Variants in GLB1L2 observed in about 807,000 individuals in gnomAD.
GLB1L2 encodes galactosidase beta 1 like 2.
GLB1L2 carries 68 observed loss-of-function variants against 84.1 expected under a neutral mutation model. That is an observed-to-expected ratio of 0.81 (90% CI 0.67 to 0.99). GLB1L2 has a LOEUF of 0.99. Ranked by LOEUF, GLB1L2 falls within the 50% of genes least tolerant of loss-of-function variation. The pLI is 0.00. For synonymous variants in GLB1L2, 290 were observed against 318.0 expected (o/e 0.91, Z 0.94); for missense variants, 762 against 805.6 (o/e 0.95, Z 0.66).
Position 134,347,369 on chromosome 11 carries a change from AG to A in GLB1L2, c.497del (p.Gly166AlafsTer13). The part of the protein sequence containing the change: ...DPGMRLRTTY[K>X]GFTEAVDLYF... ...GGCATGAGGCTGAGGACAACTTACAAGGGCTTCACCGAAGCAGTGGACCTTT... is the reference window on the plus strand; with the variant it reads ...GGCATGAGGCTGAGGACAACTTACAAGGCTTCACCGAAGCAGTGGACCTTT... On this transcript the variant is annotated frameshift_variant, in exon 5 of 19. Coordinates refer to ENST00000535456, the MANE Select transcript of GLB1L2 (RefSeq NM_001370461.1). LOFTEE classifies it high-confidence loss of function. 1 of 1,614,180 alleles carries A rather than the reference AG, an allele frequency of 6.2e-7. No homozygotes were observed. Among genetic ancestry groups the A allele is most frequent in the Non-Finnish European group, 8.5e-7 (1 of 1,180,012 alleles).
Position 134,375,039 on chromosome 11 carries a change from G to A in GLB1L2, c.1892G>A (p.Arg631Lys), listed in dbSNP as rs778267896. ...TTCACGGAAACCCCCCACCTGGGCAGGAACCAGTACATTAAGTGAGCGGTG... is the reference window on the plus strand; with the variant it reads ...TTCACGGAAACCCCCCACCTGGGCAAGAACCAGTACATTAAGTGAGCGGTG... ...LQFTETPHLG[R>K]NQYIK is the part of the protein sequence containing the mutation. Residue 631 changes from arginine to lysine, a missense_variant, in exon 19 of 19, where the codon AGG becomes AAG. This residue lies in a region of GLB1L2 where 603 missense variants were observed against 611.7 expected (regional missense o/e 0.99). Transcript: ENST00000535456. 1.2e-6 allele frequency: 2 copies of A among 1,613,788 alleles called. No individual in the cohort carries two copies. The highest frequency in any genetic ancestry group is 1.7e-6 in the Non-Finnish European group (2 of 1,179,942).
At chr11:134,349,233 G>A (rs375469250) in intron 5 of GLB1L2, among the ~76,000 whole-genome samples, 2 of 152,124 alleles carry the variant, frequency 1.3e-5, no homozygotes, top group South Asian at 2.1e-4. Context: ...ACTTAACAGC[G>A]CCCTCAAGGT....
intron 16 of GLB1L2, 62 bp from the exon 17 acceptor site, chr11:134,374,083 T>C: frequency 7.8e-7 from 1 of 1,286,140 alleles, no homozygotes; most frequent in Non-Finnish European, 1.1e-6. Flanking sequence ...TTTATTTTGC[T>C]TTATTGTGCT....
At chr11:134,361,353 T>C (rs1002922376) in intron 7 of GLB1L2, 2 of 152,200 alleles carry the variant, frequency 1.3e-5, no homozygotes, top group African/African-American at 4.8e-5. Flanking sequence ...TATTGACTTC[T>C]TGTTCCAGTA....
Position 134,370,415 on chromosome 11 carries a change from A to G in GLB1L2, c.1215+16A>G, listed in dbSNP as rs1240256062. 4 of 1,592,438 alleles carry G rather than the reference A, an allele frequency of 2.5e-6. No individual in the cohort carries two copies. Among genetic ancestry groups the G allele is most frequent in the Non-Finnish European group, 3.4e-6 (4 of 1,162,290 alleles). On this transcript the variant is annotated intron_variant, in intron 12 of 18. Coordinates refer to ENST00000535456, the MANE Select transcript of GLB1L2 (RefSeq NM_001370461.1). The surrounding 1 kb of genome is among the most constrained non-coding windows in gnomAD (Gnocchi z 4.7). ...CCTGGGGGAGGTGAGTGCTGTGGGC[A>G]GTCATCGGGAGGTGAGTGAGTGCCG...
In GLB1L2 at chr11:134,334,200, T is replaced by C. The variant is rs1943347064; in HGVS notation, c.86+2053T>C. Among the ~76,000 whole-genome samples the C allele has an allele frequency of 6.6e-6, 1 of 152,126 alleles. No homozygotes were observed. The highest frequency in any genetic ancestry group is 1.5e-5 in the Non-Finnish European group (1 of 68,020). On this transcript the variant is annotated intron_variant, in intron 1 of 18. Coordinates refer to ENST00000535456, the MANE Select transcript of GLB1L2 (RefSeq NM_001370461.1). The surrounding 1 kb of genome is among the most constrained non-coding windows in gnomAD (Gnocchi z 4.1). ...CAGTGTTGAGGTGGCCAGTGGAATA[T>C]AGGTCACGTGGAAACTGGCCACCAA... is the stretch of plus-strand genomic sequence containing the variant.
intron 5 of GLB1L2, among the ~76,000 whole-genome samples, chr11:134,352,967 C>G (rs1943653597): frequency 6.6e-6 from 1 of 152,064 alleles, no homozygotes; most frequent in Non-Finnish European, 1.5e-5. Context: ...TTTCTAATGT[C>G]TCTTGTGATT....
chr11:134,367,134 C>A (rs959160283), intron 8 of GLB1L2, 123 bp from the exon 9 acceptor site: 25 of 858,008 alleles, frequency 2.9e-5, no homozygotes, highest in Non-Finnish European at 4.4e-5. Context: ...ACCTCTAAGG[C>A]AGTGGGTATG....
chr11:134,367,179 G>A, intron 8 of GLB1L2, 78 bp from the exon 9 acceptor site: 1 of 1,182,524 alleles, frequency 8.5e-7, no homozygotes, highest in South Asian at 1.3e-5. Flanking sequence ...AGAGATCCTG[G>A]GGCTCCCCTC....
Position 134,339,285 on chromosome 11 carries a change from T to G in GLB1L2, c.87-3469T>G, listed in dbSNP as rs570956983. Among the ~76,000 whole-genome samples, 12 of 152,316 alleles carry G rather than the reference T, an allele frequency of 7.9e-5. No homozygotes were observed. The highest frequency in any genetic ancestry group is 2.6e-4 in the African/African-American group (11 of 41,570). The stretch of plus-strand genomic sequence containing the variant: ...ATTATTACTGAGTTACTCAGGAAAT[T>G]ATGGGGTTATTCTCCGTCTTATGAT... On this transcript the variant is annotated intron_variant, in intron 1 of 18. Transcript: ENST00000535456. This position sits in a 1 kb window ranked among gnomAD's most constrained non-coding sequence, Gnocchi z 5.7.
At position 134,338,259 on chromosome 11, in the gene GLB1L2, G is replaced by T. The variant is rs1232817993; in HGVS notation, c.87-4495G>T. Among the ~76,000 whole-genome samples the T allele has an allele frequency of 6.6e-6, 1 of 152,138 alleles. No individual in the cohort carries two copies. The highest frequency in any genetic ancestry group is 1.5e-5 in the Non-Finnish European group (1 of 68,028). On this transcript the variant is annotated intron_variant, in intron 1 of 18. Transcript: ENST00000535456. The surrounding 1 kb of genome is among the most constrained non-coding windows in gnomAD (Gnocchi z 6.2). ...GGCCTCCCAGCCGTACCATGACCCCGGTTCCTGATGAGTGTTTGCAGGATT... is the reference window on the plus strand; with the variant it reads ...GGCCTCCCAGCCGTACCATGACCCCTGTTCCTGATGAGTGTTTGCAGGATT...
At chr11:134,360,461 A>G (rs1448285786) in intron 7 of GLB1L2, 2 of 152,198 alleles carry the variant, frequency 1.3e-5, no homozygotes, top group African/African-American at 4.8e-5. Context: ...GGCTGCTTCC[A>G]AGGCCTGCTC....
rs78260611 is a variant in GLB1L2, at chr11:134,368,624, C to T, written c.890-20C>T. 0.15 allele frequency: 239,748 copies of T among 1,612,478 alleles called. 18,865 individuals carry two copies. The highest frequency in any genetic ancestry group is 0.16 in the Non-Finnish European group (191,568 of 1,179,324). On this transcript the variant is annotated intron_variant, in intron 9 of 18. Coordinates refer to ENST00000535456, the MANE Select transcript of GLB1L2 (RefSeq NM_001370461.1). ...GACTTTAACTCACTCTGCACATCCC[C>T]TTTCTCCCTCCTCCGGCAGAGGTTT...
intron 7 of GLB1L2, chr11:134,360,554 G>C (rs1209228206): frequency 6.6e-6 from 1 of 152,188 alleles, no homozygotes. Context: ...CCGGTTTCAG[G>C]CCTTGCAAGG....
chr11:134,341,334 T>G (rs1943458273), intron 1 of GLB1L2, among the ~76,000 whole-genome samples: 1 of 152,080 alleles, frequency 6.6e-6, no homozygotes, highest in Non-Finnish European at 1.5e-5. Flanking sequence ...AGACTCGTTT[T>G]ATAGAGGAAG....
intron 15 of GLB1L2, among the ~76,000 whole-genome samples, chr11:134,372,941 C>T (rs958930309): frequency 2.0e-5 from 3 of 152,224 alleles, no homozygotes; most frequent in African/African-American, 4.8e-5. Flanking sequence ...ACCAGCCTGA[C>T]CATTGTTCCT....
intron 5 of GLB1L2, among the ~76,000 whole-genome samples, chr11:134,351,686 C>T (rs1282954871): frequency 6.6e-6 from 1 of 152,194 alleles, no homozygotes; most frequent in Non-Finnish European, 1.5e-5. Context: ...CCTCGCATTA[C>T]AGGAATGAAT....
intron 9 of GLB1L2, among the ~76,000 whole-genome samples, chr11:134,367,921 C>T (rs1028616724): frequency 6.6e-5 from 10 of 152,156 alleles, no homozygotes; most frequent in Non-Finnish European, 1.5e-4. Flanking sequence ...GCGAGCATCC[C>T]GGTGAGCATC....
chr11:134,353,746 C>G (rs545703899), intron 5 of GLB1L2, among the ~76,000 whole-genome samples: 2 of 152,180 alleles, frequency 1.3e-5, no homozygotes, highest in African/African-American at 4.8e-5. Flanking sequence ...TTGTTATATC[C>G]TTTTGGTGAA....
Sources: gnomAD v4.1 joint callset for allele counts (sites outside exome capture counted in the v4.1 genomes callset) on GRCh38, gnomAD v4.1.1 for gene constraint, gnomAD v4.1.1 regional missense constraint, Gnocchi (gnomAD v3.1) non-coding constraint, MANE v1.5 for transcripts, NCBI Gene and HGNC (gene_info 2026-07-23, HGNC 2026-07-21) for gene names.